The following SULT2B1 variants were observed in gnomAD, a reference collection of about 807,000 sequenced individuals.
The protein encoded by SULT2B1 is sulfotransferase family 2B member 1, also known as sulfotransferase 2B1.
Under a neutral mutation model 33.2 loss-of-function variants are expected in SULT2B1, and 16 were observed. That is an observed-to-expected ratio of 0.48 (90% CI 0.33 to 0.73). SULT2B1 has a LOEUF of 0.73. Ranked by LOEUF, SULT2B1 falls within the 30% of genes least tolerant of loss-of-function variation. SULT2B1 has a pLI of 0.02. For missense variants in SULT2B1, 500 were observed against 506.0 expected (o/e 0.99, Z 0.11); for synonymous variants, 186 against 200.5 (o/e 0.93, Z 0.61).
intron 5 of SULT2B1, chr19:48,596,087 A>C (rs903537483): frequency 6.5e-6 from 1 of 152,954 alleles, no homozygotes; most frequent in Non-Finnish European, 1.5e-5. Flanking sequence ...GGGGATGGAG[A>C]CTGGAGGCAG....
At position 48,598,925 on chromosome 19, in the gene SULT2B1, C is replaced by T. The variant is rs1448037647; in HGVS notation, c.827-210C>T. ...CCTGCAGTAGCAGAGGCAGTGAGGG[C>T]GGAGGTGAGAACGGCGCCAGGTGAC... On this transcript the variant is annotated intron_variant, in intron 6 of 6. Coordinates refer to ENST00000201586, the MANE Select transcript of SULT2B1 (RefSeq NM_177973.2). Among the ~76,000 whole-genome samples the T allele has an allele frequency of 4.6e-5, 7 of 152,030 alleles. No individual in the cohort carries two copies. The South Asian group carries it at 6.2e-4, about 14-fold the overall frequency.
chr19:48,554,126 C>T (rs2147592717), intron 1 of SULT2B1, among the ~76,000 whole-genome samples: 1 of 152,222 alleles, frequency 6.6e-6, no homozygotes, highest in South Asian at 2.1e-4. Context: ...ACTCCTCCAG[C>T]CCTGATGGCT....
chr19:48,558,937 C>T (rs1198972692), intron 1 of SULT2B1, among the ~76,000 whole-genome samples: 5 of 152,104 alleles, frequency 3.3e-5, no homozygotes, highest in South Asian at 2.1e-4. Flanking sequence ...CCACCCGCCT[C>T]GTCCTCCCAA....
intron 2 of SULT2B1, among the ~76,000 whole-genome samples, chr19:48,581,523 T>A (rs957720393): frequency 7.2e-6 from 1 of 138,886 alleles, no homozygotes; most frequent in Non-Finnish European, 1.5e-5. Context: ...TAGGCTGGAG[T>A]GCAGTGGCGC....
At chr19:48,558,750 T>C (rs1387899294) in intron 1 of SULT2B1, among the ~76,000 whole-genome samples, 8 of 140,980 alleles carry the variant, frequency 5.7e-5, no homozygotes, top group Non-Finnish European at 1.1e-4. Flanking sequence ...AGTGGCACCA[T>C]CTCGGCTGAC....
At chr19:48,571,075 G>A (rs1415571734) in intron 1 of SULT2B1, among the ~76,000 whole-genome samples, 1 of 151,836 alleles carries the variant, frequency 6.6e-6, no homozygotes, top group African/African-American at 2.4e-5. Flanking sequence ...GCTGGAGCAC[G>A]CAGTGGTGAG....
intron 2 of SULT2B1, among the ~76,000 whole-genome samples, chr19:48,585,130 T>A (rs1329130493): frequency 1.3e-5 from 2 of 149,296 alleles, no homozygotes; most frequent in Non-Finnish European, 3.0e-5. Context: ...CACTTGAGCC[T>A]GGGAGTTGGA....
chr19:48,572,332 G>A (rs923129243), intron 1 of SULT2B1, among the ~76,000 whole-genome samples: 4 of 152,108 alleles, frequency 2.6e-5, no homozygotes, highest in African/African-American at 4.8e-5. Flanking sequence ...GGCTAACACA[G>A]TGAAACCTCG....
chr19:48,566,839 C>CAAA (rs770788681), intron 1 of SULT2B1, among the ~76,000 whole-genome samples: 1 of 136,400 alleles, frequency 7.3e-6, no homozygotes, highest in Non-Finnish European at 1.6e-5. Flanking sequence ...GAGACTCTGT[C>CAAA]AAAAAAAAAA....
intron 1 of SULT2B1, among the ~76,000 whole-genome samples, chr19:48,570,057 A>ATTTGG (rs913273666): frequency 6.6e-6 from 1 of 152,100 alleles, no homozygotes; most frequent in African/African-American, 2.4e-5. Flanking sequence ...GGAGGCTGTG[A>ATTTGG]TTTGGCCAAC....
intron 1 of SULT2B1, among the ~76,000 whole-genome samples, chr19:48,553,722 C>CA (rs1435531663): frequency 1.3e-5 from 2 of 152,184 alleles, no homozygotes; most frequent in African/African-American, 4.8e-5. Context: ...AGGAGCAGTT[C>CA]AATCCTGATT....
At chr19:48,563,697 G>T (rs577881583) in intron 1 of SULT2B1, among the ~76,000 whole-genome samples, 3 of 152,232 alleles carry the variant, frequency 2.0e-5, no homozygotes, top group African/African-American at 7.2e-5. Flanking sequence ...AGGCACCGTG[G>T]CTCACACTTG....
At chr19:48,554,060 A>G (rs1388571238) in intron 1 of SULT2B1, among the ~76,000 whole-genome samples, 1 of 151,636 alleles carries the variant, frequency 6.6e-6, no homozygotes, top group African/African-American at 2.4e-5. Context: ...TTAGTCACTG[A>G]CCCTCTGCGA....
chr19:48,586,142 A>T (rs1348459424), intron 2 of SULT2B1, among the ~76,000 whole-genome samples: 2 of 152,108 alleles, frequency 1.3e-5, no homozygotes, highest in Non-Finnish European at 2.9e-5. Flanking sequence ...GGATCTCTTA[A>T]GCCCGGGATT....
intron 1 of SULT2B1, among the ~76,000 whole-genome samples, chr19:48,573,731 C>G (rs1696715135): frequency 6.6e-6 from 1 of 152,098 alleles, no homozygotes; most frequent in Non-Finnish European, 1.5e-5. Context: ...GGTTCAAATC[C>G]CAGCTCTGTT....
intron 1 of SULT2B1, among the ~76,000 whole-genome samples, chr19:48,558,090 A>G (rs1357079547): frequency 6.6e-6 from 1 of 152,074 alleles, no homozygotes; most frequent in Non-Finnish European, 1.5e-5. Context: ...TGCTGTCTGT[A>G]TTACCTCATC....
At chr19:48,592,391 C>T (rs1312305666) in intron 4 of SULT2B1, among the ~76,000 whole-genome samples, 1 of 151,040 alleles carries the variant, frequency 6.6e-6, no homozygotes, top group Non-Finnish European at 1.5e-5. Context: ...AGGAGACAGG[C>T]CCCTGGTACT....
At chr19:48,585,158 G>C (rs1973546149) in intron 2 of SULT2B1, among the ~76,000 whole-genome samples, 1 of 151,314 alleles carries the variant, frequency 6.6e-6, no homozygotes, top group Non-Finnish European at 1.5e-5. Flanking sequence ...GCTGAAGTAA[G>C]CTGTGACTGC....
chr19:48,581,887 A>T (rs200533112), intron 2 of SULT2B1, among the ~76,000 whole-genome samples: 2 of 104,574 alleles, frequency 1.9e-5, no homozygotes, highest in East Asian at 3.1e-4. Context: ...TATTATTATT[A>T]TTATATTATT....
Sources: gnomAD v4.1 joint callset for allele counts (sites outside exome capture counted in the v4.1 genomes callset) on GRCh38, gnomAD v4.1.1 for gene constraint, MANE v1.5 for transcripts, NCBI Gene and HGNC (gene_info 2026-07-23, HGNC 2026-07-21) for gene names.